EXTL2: variants seen among roughly 807,000 people sequenced by gnomAD.
EXTL2 encodes exostosin-like 2.
Under a neutral mutation model 30.7 loss-of-function variants are expected in EXTL2, and 23 were observed. The ratio of observed to expected loss-of-function variants is 0.75; its 90% CI spans 0.54 to 1.06. The LOEUF is 1.06. Ranked by LOEUF, EXTL2 falls within the 50% of genes least tolerant of loss-of-function variation. EXTL2 has a pLI of 0.00. For missense variants in EXTL2, 352 were observed against 396.3 expected, an observed-to-expected ratio of 0.89 and a Z score of 0.95; for synonymous variants, 123 against 133.8, an observed-to-expected ratio of 0.92 and a Z score of 0.56.
chr1:100,890,104 T>A (rs532780845), intron 1 of EXTL2, among the ~76,000 whole-genome samples: 25 of 152,216 alleles, frequency 1.6e-4, no homozygotes, highest in Non-Finnish European at 2.6e-4. Flanking sequence ...TCCAGGCATT[T>A]CCATACATCC....
At chr1:100,876,721 A>T in intron 4 of EXTL2, 73 bp downstream of exon 4, 2 of 983,966 alleles carry the variant, frequency 2.0e-6, no homozygotes, top group East Asian at 2.4e-5. Flanking sequence ...CTTCTATATT[A>T]ACCATGTTGC....
chr1:100,885,954 T>C (rs1402296178), intron 2 of EXTL2: 1 of 152,190 alleles, frequency 6.6e-6, no homozygotes, highest in Non-Finnish European at 1.5e-5. Flanking sequence ...TAATAATAAA[T>C]ATAGCAGTAA....
chr1:100,878,411 C>A (rs1455892381), intron 2 of EXTL2: 2 of 470,894 alleles, frequency 4.2e-6, no homozygotes, highest in South Asian at 3.1e-5. Flanking sequence ...ACAGATAGTT[C>A]CTGAGCACTT....
intron 4 of EXTL2, among the ~76,000 whole-genome samples, chr1:100,875,178 A>G (rs1245601767): frequency 6.6e-6 from 1 of 151,632 alleles, no homozygotes; most frequent in Non-Finnish European, 1.5e-5. Flanking sequence ...AGTTTCATTC[A>G]CTCATAAATA....
chr1:100,874,307 T>C lies in EXTL2; in HGVS notation c.628A>G (p.Met210Val), dbSNP rs141823466. Residue 210 changes from methionine to valine, a missense_variant, in exon 5 of 5, where the codon ATG becomes GTG. Coordinates refer to ENST00000370114, the MANE Select transcript of EXTL2 (RefSeq NM_001033025.3). ...AAGAATGAGGCTCCAATCAGCACCA[T>C]AGAGTACTGGTCACCATTTCCAGAC... ...PGSGNGDQYS[M>V]VLIGASFFNS... The C allele has an allele frequency of 5.0e-4, 809 of 1,613,018 alleles. 1 individual carries two copies. Among genetic ancestry groups the C allele is most frequent in the Non-Finnish European group, 6.3e-4 (748 of 1,179,442 alleles).
chr1:100,886,497 T>C (rs561981693), intron 2 of EXTL2, among the ~76,000 whole-genome samples: 56 of 152,350 alleles, frequency 3.7e-4, no homozygotes, highest in African/African-American at 1.3e-3. Flanking sequence ...TGTGTTTCTA[T>C]TTCCCTCCTC....
At chr1:100,878,011 C>A in intron 2 of EXTL2, 108 bp from the exon 3 acceptor site, 1 of 864,032 alleles carries the variant, frequency 1.2e-6, no homozygotes, top group South Asian at 1.8e-5. Context: ...TTAGTTGATT[C>A]AAATTCAGTT....
Position 100,872,680 on chromosome 1 carries a change from A to G in EXTL2, c.*1262T>C, listed in dbSNP as rs1386437149. 1 of 152,468 alleles carries G rather than the reference A, an allele frequency of 6.6e-6. No homozygotes were observed. Among genetic ancestry groups the G allele is most frequent in the East Asian group, 1.9e-4 (1 of 5,178 alleles). The allele number at this position is 152,468 out of a possible 1,614,324, so 9.4% of individuals were successfully genotyped here. On this transcript the variant is annotated 3_prime_UTR_variant, in exon 5 of 5. Coordinates refer to ENST00000370114, the MANE Select transcript of EXTL2 (RefSeq NM_001033025.3). The stretch of plus-strand genomic sequence containing the variant: ...AATTTTGAGAATATACTAGCATTAT[A>G]TAAGAAGGAAGAGGAGAAGGAGGAA...
intron 1 of EXTL2, among the ~76,000 whole-genome samples, chr1:100,893,181 G>A (rs1319334351): frequency 6.6e-6 from 1 of 152,154 alleles, no homozygotes; most frequent in East Asian, 1.9e-4. Flanking sequence ...ATGTTCAATA[G>A]TATATGTATT....
At chr1:100,887,944 C>T (rs1650104915) in intron 2 of EXTL2, among the ~76,000 whole-genome samples, 1 of 152,016 alleles carries the variant, frequency 6.6e-6, no homozygotes. Flanking sequence ...TGTGATCCGC[C>T]CGCTTTGGCC....
intron 2 of EXTL2, among the ~76,000 whole-genome samples, chr1:100,881,532 T>C (rs1240346048): frequency 1.3e-5 from 2 of 152,378 alleles, no homozygotes; most frequent in African/African-American, 4.8e-5. Context: ...TTTTGGTTTT[T>C]CATTTTTTAA....
At chr1:100,887,753 G>A (rs1483156786) in intron 2 of EXTL2, among the ~76,000 whole-genome samples, 1 of 151,724 alleles carries the variant, frequency 6.6e-6, no homozygotes, top group Non-Finnish European at 1.5e-5. Context: ...CGCCCAGGCT[G>A]GAGATAAGTG....
intron 2 of EXTL2, chr1:100,880,911 T>A (rs1649500884): frequency 2.1e-5 from 20 of 937,114 alleles, no homozygotes; most frequent in Non-Finnish European, 2.3e-5. Context: ...GATTAATTAC[T>A]ATAGCTTACT....
chr1:100,877,602 C>T lies in EXTL2; in HGVS notation c.307G>A (p.Gly103Arg). The T allele has an allele frequency of 6.2e-7, 1 of 1,613,518 alleles. No individual in the cohort carries two copies. Among genetic ancestry groups the T allele is most frequent in the Non-Finnish European group, 8.5e-7 (1 of 1,179,636 alleles). Residue 103 changes from glycine to arginine, a missense_variant, in exon 3 of 5, where the codon GGA becomes AGA. Coordinates refer to ENST00000370114, the MANE Select transcript of EXTL2 (RefSeq NM_001033025.3). The surrounding 1 kb of genome is among the most constrained non-coding windows in gnomAD (Gnocchi z 4.1). ...CATAATTCATCTGGTGCCTTCTCTCCAATATTGTTCCATACCACAATCACT... is the reference window on the plus strand; with the variant it reads ...CATAATTCATCTGGTGCCTTCTCTCTAATATTGTTCCATACCACAATCACT... The part of the protein sequence containing the change: ...HKVIVVWNNI[G>R]EKAPDELWNS...
Position 100,873,190 on chromosome 1 carries a change from T to C in EXTL2, c.*752A>G, listed in dbSNP as rs1455516778. The C allele has an allele frequency of 2.0e-5, 3 of 152,090 alleles. No individual in the cohort carries two copies. The East Asian group carries it at 5.8e-4, about 29-fold the overall frequency. 9.4% of individuals were successfully genotyped at this position (152,090 alleles called of 1,614,324 possible). A position where few individuals can be genotyped will look rare whatever the true frequency, so the allele number is the denominator to read the frequency against. Reference sequence around the variant, plus strand: ...GGTCAGATTCAGTGACAAAATGCACTACCCGAATCTAGTAACACATTTACT... The same window carrying C: ...GGTCAGATTCAGTGACAAAATGCACCACCCGAATCTAGTAACACATTTACT... On this transcript the variant is annotated 3_prime_UTR_variant, in exon 5 of 5. Transcript: ENST00000370114.
At chr1:100,890,210 G>A (rs1406210312) in intron 1 of EXTL2, among the ~76,000 whole-genome samples, 1 of 152,242 alleles carries the variant, frequency 6.6e-6, no homozygotes, top group Non-Finnish European at 1.5e-5. Flanking sequence ...CTTGGGGCTT[G>A]CATCCTCTGA....
At position 100,881,555 on chromosome 1, in the gene EXTL2, T is replaced by C. The variant is rs192588297; in HGVS notation, c.6-3652A>G. On this transcript the variant is annotated intron_variant, in intron 2 of 4. Transcript: ENST00000370114. The stretch of plus-strand genomic sequence containing the variant: ...TTTCATTTTTTAAGTTATGTCTTTA[T>C]ATATTTGCTGACACCCTGCCTCATT... Among the ~76,000 whole-genome samples, 405 of 152,370 alleles carry C rather than the reference T, an allele frequency of 2.7e-3. 5 individuals are homozygous for C. Among genetic ancestry groups the C allele is most frequent in the East Asian group, 6.4e-3 (33 of 5,192 alleles).
chr1:100,875,276 G>T (rs947160557), intron 4 of EXTL2, among the ~76,000 whole-genome samples: 18 of 150,130 alleles, frequency 1.2e-4, no homozygotes, highest in African/African-American at 4.4e-4. Context: ...TGAGTTAAAT[G>T]CTATTTCAAA....
chr1:100,874,204 T>A lies in EXTL2; in HGVS notation c.731A>T (p.Asp244Val). ...AATGATAAAATTCATGGCAATATCA[T>A]CACAGTTTTGAGTATCATCTATCAA... ...HALIDDTQNC[D>V]DIAMNFIIAK... The change falls in exon 5 of 5, where the codon GAT becomes GTT. Residue 244 changes from aspartate (D) to valine (V), a missense_variant. Coordinates refer to ENST00000370114, the MANE Select transcript of EXTL2 (RefSeq NM_001033025.3). 6.2e-7 allele frequency: 1 copy of A among 1,613,002 alleles called. No homozygotes were observed. The highest frequency in any genetic ancestry group is 8.5e-7 in the Non-Finnish European group (1 of 1,179,452).
Sources: gnomAD v4.1 joint callset for allele counts (sites outside exome capture counted in the v4.1 genomes callset) on GRCh38, gnomAD v4.1.1 for gene constraint, Gnocchi (gnomAD v3.1) non-coding constraint, MANE v1.5 for transcripts, NCBI Gene and HGNC (gene_info 2026-07-23, HGNC 2026-07-21) for gene names.